NSL1: variants seen among roughly 807,000 people sequenced by gnomAD.
The protein encoded by NSL1 is kinetochore-associated protein NSL1 homolog.
Under a neutral mutation model 25.4 loss-of-function variants are expected in NSL1, and 11 were observed. The ratio of observed to expected loss-of-function variants is 0.43; its 90% CI spans 0.27 to 0.72. The LOEUF (loss-of-function observed/expected upper bound fraction) is 0.72. Among genes scored for constraint, NSL1 ranks in the 30% least tolerant of loss-of-function variants. The probability of loss-of-function intolerance (pLI) is 0.19; values close to 1 mark genes in which losing one functional copy is unlikely to be tolerated. For missense variants in NSL1, 330 were observed against 342.7 expected (o/e 0.96, Z 0.29); for synonymous variants, 118 against 120.6 (o/e 0.98, Z 0.14).
intron 4 of NSL1, among the ~76,000 whole-genome samples, chr1:212,779,949 C>T (rs4262611): frequency 0.17 from 24,170 of 142,054 alleles, 1,996 homozygotes; most frequent in African/African-American, 0.32. Flanking sequence ...CCCGGCCGCC[C>T]CTACTGGGAA....
At chr1:212,781,020 T>C (rs964079106) in intron 4 of NSL1, among the ~76,000 whole-genome samples, 2 of 152,176 alleles carry the variant, frequency 1.3e-5, no homozygotes, top group African/African-American at 2.4e-5. Context: ...GCCAAAGATA[T>C]AAAGCTAATA....
intron 4 of NSL1, chr1:212,766,153 AAAAC>A: frequency 1.8e-6 from 1 of 559,050 alleles, no homozygotes. Flanking sequence ...AAAAAACAAA[AAAAC>A]CCTCAACAAA....
rs1658172384 is a variant in NSL1, at chr1:212,734,880, G to GTT, written c.*3527_*3528insAA. ...ACACTCATCCTCTTCACTGGAATAT[G>GTT]ACCTTCCTGAAGGCAACACTTGTCC... On this transcript the variant is annotated 3_prime_UTR_variant, in exon 6 of 6. Transcript: ENST00000366977. Among the ~76,000 whole-genome samples, 1 of 152,202 alleles carries GTT rather than the reference G, an allele frequency of 6.6e-6. No individual in the cohort carries two copies. Among genetic ancestry groups the GTT allele is most frequent in the Admixed American group, 6.5e-5 (1 of 15,272 alleles).
At chr1:212,757,361 T>C (rs995836885) in intron 4 of NSL1, among the ~76,000 whole-genome samples, 1 of 152,050 alleles carries the variant, frequency 6.6e-6, no homozygotes, top group Non-Finnish European at 1.5e-5. Context: ...TTAAAAGAAA[T>C]TGTTTGGATG....
At position 212,726,578 on chromosome 1, in the gene NSL1, C is replaced by T. The variant is rs1657798436; in HGVS notation, c.*11830G>A. ...CCCCTGTCCACCTTGTCTCTGGGCA[C>T]ATCTGATGATAACGTCTGTGGCTGG... On this transcript the variant is annotated 3_prime_UTR_variant, in exon 6 of 6. Transcript: ENST00000366977. 6.5e-6 allele frequency: 1 copy of T among 152,762 alleles called. No homozygotes were observed. Among genetic ancestry groups the T allele is most frequent in the Admixed American group, 6.5e-5 (1 of 15,322 alleles). 9.5% of individuals were successfully genotyped at this position (152,762 alleles called of 1,614,324 possible).
chr1:212,751,053 C>T (rs963754335), intron 4 of NSL1, among the ~76,000 whole-genome samples: 1 of 152,054 alleles, frequency 6.6e-6, no homozygotes, highest in African/African-American at 2.4e-5. Flanking sequence ...ATAATAATTA[C>T]CTGACTCAGA....
In NSL1 at chr1:212,735,310, G is replaced by T; in HGVS notation, c.*3098C>A. On this transcript the variant is annotated 3_prime_UTR_variant, in exon 6 of 6. Transcript: ENST00000366977. ...TCTTAAGATCTCTGACTTTTGATCC[G>T]AGTAGGTGTCCAACTGTATGTGTTG... 1 of 985,306 alleles carries T rather than the reference G, an allele frequency of 1.0e-6. No individual in the cohort carries two copies. The highest frequency in any genetic ancestry group is 1.2e-6 in the Non-Finnish European group (1 of 829,832). The allele number at this position is 985,306 out of a possible 1,614,324, so 61.0% of individuals were successfully genotyped here. A position where few individuals can be genotyped will look rare whatever the true frequency, so the allele number is the denominator to read the frequency against.
chr1:212,729,922 G>A lies in NSL1; in HGVS notation c.*8486C>T. On this transcript the variant is annotated 3_prime_UTR_variant, in exon 6 of 6. Transcript: ENST00000366977. ...GGCAGGTAACCAGAAGCTGCCTTGT[G>A]GAGGAACTAAACCTCCGGAAGGATT... 1 of 985,246 alleles carries A rather than the reference G, an allele frequency of 1.0e-6. No homozygotes were observed. The highest frequency in any genetic ancestry group is 1.2e-6 in the Non-Finnish European group (1 of 829,894). The allele number at this position is 985,246 out of a possible 1,614,324, so 61.0% of individuals were successfully genotyped here.
intron 2 of NSL1, 65 bp downstream of exon 2, chr1:212,787,494 A>T: frequency 1.7e-6 from 2 of 1,201,206 alleles, no homozygotes; most frequent in Non-Finnish European, 2.4e-6. Context: ...AAAAAACAGC[A>T]TTCAAAACAA....
chr1:212,762,422 C>A (rs879916311), intron 4 of NSL1, among the ~76,000 whole-genome samples: 5 of 151,748 alleles, frequency 3.3e-5, no homozygotes, highest in Non-Finnish European at 7.4e-5. Flanking sequence ...TGAATTAGAT[C>A]TTTTATTTAT....
At chr1:212,766,236 G>A (rs529725621) in intron 4 of NSL1, 71 of 652,492 alleles carry the variant, frequency 1.1e-4, no homozygotes, top group African/African-American at 1.0e-3. Context: ...CCAACATCAT[G>A]TTGAATGGGG....
chr1:212,761,654 T>A (rs1296607136), intron 4 of NSL1, among the ~76,000 whole-genome samples: 2 of 151,708 alleles, frequency 1.3e-5, no homozygotes, highest in Non-Finnish European at 2.9e-5. Flanking sequence ...AAAGAAAACA[T>A]GAAATACCTG....
chr1:212,742,425 C>G (rs1031435421), intron 4 of NSL1, among the ~76,000 whole-genome samples: 2 of 152,106 alleles, frequency 1.3e-5, no homozygotes, highest in Non-Finnish European at 2.9e-5. Flanking sequence ...CATACCAAGA[C>G]AAAGTACTGA....
In NSL1 at chr1:212,760,901, G is replaced by A. The variant is rs775059901; in HGVS notation, c.500-21300C>T. Among the ~76,000 whole-genome samples the A allele has an allele frequency of 1.3e-5, 2 of 152,292 alleles. No individual in the cohort carries two copies. The highest frequency in any genetic ancestry group is 2.9e-5 in the Non-Finnish European group (2 of 68,028). On this transcript the variant is annotated intron_variant, in intron 4 of 5. Transcript: ENST00000366977. This position sits in a 1 kb window ranked among gnomAD's most constrained non-coding sequence, Gnocchi z 4.3. ...GTGGGGCCCAAGAACAGGCCTGCCT[G>A]GAGTCCCCATCCCAAGTAAAGACCT...
At chr1:212,752,264 C>A (rs1290653522) in intron 4 of NSL1, among the ~76,000 whole-genome samples, 1 of 152,110 alleles carries the variant, frequency 6.6e-6, no homozygotes, top group Non-Finnish European at 1.5e-5. Flanking sequence ...TTTATTTATA[C>A]ATTTTTTTCC....
chr1:212,758,879 A>G (rs1002208272), intron 4 of NSL1, among the ~76,000 whole-genome samples: 2 of 152,236 alleles, frequency 1.3e-5, no homozygotes, highest in African/African-American at 2.4e-5. Context: ...TTCTGATTTC[A>G]AAATTTCTTA....
rs561114392 is a variant in NSL1 at position 212,764,394 on chromosome 1, C to T, written c.499+17978G>A. On this transcript the variant is annotated intron_variant, in intron 4 of 5. Coordinates refer to ENST00000366977, the MANE Select transcript of NSL1 (RefSeq NM_015471.4). ...GAAACAAGAACAAACTAAACCCAAA[C>T]CCAGGAGAAGAAGTAACAAAGATCA... Among the ~76,000 whole-genome samples the T allele has an allele frequency of 2.2e-3, 337 of 151,994 alleles. 1 individual carries two copies. The highest frequency in any genetic ancestry group is 7.6e-3 in the African/African-American group (315 of 41,442).
intron 4 of NSL1, among the ~76,000 whole-genome samples, chr1:212,747,458 TGTGA>T (rs1365659940): frequency 2.6e-5 from 4 of 152,204 alleles, no homozygotes; most frequent in Non-Finnish European, 5.9e-5. Context: ...CCAACAACTA[TGTGA>T]GTGAGTTTGA....
chr1:212,743,648 G>A (rs937115029), intron 4 of NSL1, among the ~76,000 whole-genome samples: 5 of 151,904 alleles, frequency 3.3e-5, no homozygotes, highest in Non-Finnish European at 7.4e-5. Context: ...AAAAATGGTG[G>A]CATAGGAGAT....
Sources: gnomAD v4.1 joint callset for allele counts (sites outside exome capture counted in the v4.1 genomes callset) on GRCh38, gnomAD v4.1.1 for gene constraint, Gnocchi (gnomAD v3.1) non-coding constraint, MANE v1.5 for transcripts, NCBI Gene and HGNC (gene_info 2026-07-23, HGNC 2026-07-21) for gene names.